The following NKAIN2 variants were observed in gnomAD, a reference collection of about 807,000 sequenced individuals.
NKAIN2 encodes the protein sodium/potassium transporting ATPase interacting 2.
NKAIN2 carries 14 observed loss-of-function variants against 32.6 expected under a neutral mutation model. The observed-to-expected ratio is 0.43, with a 90% CI of 0.28 to 0.67. The LOEUF (loss-of-function observed/expected upper bound fraction) is 0.67. Ranked by LOEUF, NKAIN2 falls within the 30% of genes least tolerant of loss-of-function variation. The pLI is 0.17. For synonymous variants in NKAIN2, 80 were observed against 87.2 expected (o/e 0.92, Z 0.46); for missense variants, 198 against 258.3 (o/e 0.77, Z 1.60).
chr6:124,192,172 C>G (rs2114591428), intron 1 of NKAIN2, among the ~76,000 whole-genome samples: 1 of 152,188 alleles, frequency 6.6e-6, no homozygotes, highest in African/African-American at 2.4e-5. Flanking sequence ...TTTCTTCTTA[C>G]AGTTTCAAAT....
chr6:124,031,440 G>A (rs577561641), intron 1 of NKAIN2, among the ~76,000 whole-genome samples: 266 of 152,130 alleles, frequency 1.7e-3, no homozygotes, highest in African/African-American at 5.9e-3. Flanking sequence ...GTCATTTCTT[G>A]CCTTCTGTTA....
intron 1 of NKAIN2, among the ~76,000 whole-genome samples, chr6:123,839,682 C>T (rs867494981): frequency 1.3e-5 from 2 of 152,124 alleles, no homozygotes; most frequent in African/African-American, 4.8e-5. Flanking sequence ...TAGTAGCATA[C>T]TGTTAGTCAT....
At chr6:124,432,175 G>A (rs535599115) in intron 3 of NKAIN2, among the ~76,000 whole-genome samples, 2 of 152,308 alleles carry the variant, frequency 1.3e-5, no homozygotes, top group African/African-American at 4.8e-5. Flanking sequence ...CCATGCAATG[G>A]TCAGGTGGCC....
At chr6:123,823,256 A>G (rs1383643882) in intron 1 of NKAIN2, 1 of 152,204 alleles carries the variant, frequency 6.6e-6, no homozygotes, top group African/African-American at 2.4e-5. Flanking sequence ...TAATTTGGAG[A>G]CAAAGAATTG....
intron 1 of NKAIN2, among the ~76,000 whole-genome samples, chr6:124,180,292 A>C (rs951935091): frequency 2.0e-5 from 3 of 152,182 alleles, no homozygotes; most frequent in Non-Finnish European, 4.4e-5. Context: ...ACTCATAATC[A>C]TGGTGAAAGG....
intron 1 of NKAIN2, among the ~76,000 whole-genome samples, chr6:124,024,097 A>G (rs934385047): frequency 1.3e-5 from 2 of 152,194 alleles, no homozygotes; most frequent in Admixed American, 1.3e-4. Context: ...TTAAGAAACT[A>G]TATTCTGCAC....
intron 1 of NKAIN2, among the ~76,000 whole-genome samples, chr6:123,819,307 C>T (rs758242704): frequency 1.3e-5 from 2 of 152,014 alleles, no homozygotes; most frequent in Non-Finnish European, 2.9e-5. Context: ...TCACTTGAAG[C>T]CAATGGAAGT....
intron 3 of NKAIN2, among the ~76,000 whole-genome samples, chr6:124,384,800 G>T (rs906046511): frequency 1.3e-5 from 2 of 152,038 alleles, no homozygotes; most frequent in African/African-American, 4.8e-5. Flanking sequence ...GCTAGTTCTT[G>T]TATTTTTTTG....
At chr6:123,925,033 G>C (rs1468355598) in intron 1 of NKAIN2, among the ~76,000 whole-genome samples, 2 of 152,004 alleles carry the variant, frequency 1.3e-5, no homozygotes, top group Non-Finnish European at 2.9e-5. Flanking sequence ...TTATGTACCA[G>C]AATACAATAT....
chr6:124,817,057 T>C (rs1781198607), intron 5 of NKAIN2, among the ~76,000 whole-genome samples: 1 of 152,160 alleles, frequency 6.6e-6, no homozygotes, highest in East Asian at 1.9e-4. Context: ...GTCTCTGTTC[T>C]CTGATGTCAG....
At chr6:124,806,134 G>C (rs1249239695) in intron 5 of NKAIN2, among the ~76,000 whole-genome samples, 1 of 152,074 alleles carries the variant, frequency 6.6e-6, no homozygotes, top group Non-Finnish European at 1.5e-5. Flanking sequence ...AGGAAATACA[G>C]AGAACACCAC....
chr6:124,559,144 T>C (rs975228900), intron 3 of NKAIN2, among the ~76,000 whole-genome samples: 1 of 152,218 alleles, frequency 6.6e-6, no homozygotes, highest in Non-Finnish European at 1.5e-5. Context: ...TTTATTGGAC[T>C]GATATGAATC....
At chr6:124,388,085 C>T (rs972871504) in intron 3 of NKAIN2, among the ~76,000 whole-genome samples, 9 of 151,848 alleles carry the variant, frequency 5.9e-5, no homozygotes, top group African/African-American at 1.7e-4. Context: ...TTATCTAGCC[C>T]GAAATGTCAA....
At chr6:124,149,282 T>C (rs1787578200) in intron 1 of NKAIN2, among the ~76,000 whole-genome samples, 1 of 152,218 alleles carries the variant, frequency 6.6e-6, no homozygotes. Flanking sequence ...ATGGTACCAA[T>C]TGCAGCACAA....
chr6:124,498,652 T>C (rs1235266481), intron 3 of NKAIN2, among the ~76,000 whole-genome samples: 1 of 152,200 alleles, frequency 6.6e-6, no homozygotes, highest in Admixed American at 6.5e-5. Context: ...TTTATCATGA[T>C]AAAAATCAAA....
chr6:124,462,603 T>C (rs1776576576), intron 3 of NKAIN2, among the ~76,000 whole-genome samples: 1 of 151,946 alleles, frequency 6.6e-6, no homozygotes. Context: ...TCCCCAGTAA[T>C]CTAGAATGAG....
chr6:124,382,507 A>G (rs1308023303), intron 3 of NKAIN2, among the ~76,000 whole-genome samples: 5 of 152,094 alleles, frequency 3.3e-5, no homozygotes, highest in African/African-American at 7.2e-5. Flanking sequence ...GCCTTTTCCA[A>G]TCTGCTCAAG....
intron 4 of NKAIN2, among the ~76,000 whole-genome samples, chr6:124,764,393 A>G (rs1778415299): frequency 6.6e-6 from 1 of 152,148 alleles, no homozygotes; most frequent in African/African-American, 2.4e-5. Flanking sequence ...ATATTTGTCA[A>G]TGTTATGATT....
intron 1 of NKAIN2, among the ~76,000 whole-genome samples, chr6:124,160,265 C>T (rs1303921665): frequency 4.6e-5 from 7 of 152,170 alleles, no homozygotes; most frequent in Admixed American, 4.6e-4. Context: ...TAAGCACTAA[C>T]AGCAGCAAAC....
Sources: gnomAD v4.1 joint callset for allele counts (sites outside exome capture counted in the v4.1 genomes callset) on GRCh38, gnomAD v4.1.1 for gene constraint, MANE v1.5 for transcripts, NCBI Gene and HGNC (gene_info 2026-07-23, HGNC 2026-07-21) for gene names.